CALCR: variants seen among roughly 807,000 people sequenced by gnomAD.
CALCR encodes the protein calcitonin receptor.
Under a neutral mutation model 59.5 loss-of-function variants are expected in CALCR, and 47 were observed. The observed-to-expected ratio is 0.79, with a 90% CI of 0.63 to 1.01. The LOEUF is 1.01. Among genes scored for constraint, CALCR ranks in the 50% least tolerant of loss-of-function variants. The pLI is 0.00. For synonymous variants in CALCR, 213 were observed against 211.3 expected, an observed-to-expected ratio of 1.01 and a Z score of -0.07; for missense variants, 566 against 597.1, an observed-to-expected ratio of 0.95 and a Z score of 0.54.
At chr7:93,434,371 G>A (rs1799726992) in intron 12 of CALCR, 77 bp from the exon 13 acceptor site, 2 of 872,236 alleles carry the variant, frequency 2.3e-6, no homozygotes, top group South Asian at 3.0e-5. Flanking sequence ...ATAATAGACT[G>A]CCCAGAGAAG....
intron 9 of CALCR, among the ~76,000 whole-genome samples, chr7:93,439,091 T>C (rs1799845287): frequency 6.6e-6 from 1 of 152,192 alleles, no homozygotes; most frequent in Non-Finnish European, 1.5e-5. Flanking sequence ...TTTGATTTGA[T>C]TGAGACATCT....
At chr7:93,452,733 G>A (rs1232915005) in intron 8 of CALCR, among the ~76,000 whole-genome samples, 1 of 151,980 alleles carries the variant, frequency 6.6e-6, no homozygotes, top group Non-Finnish European at 1.5e-5. Context: ...TACAGCAGGA[G>A]ATGATCCTGA....
intron 2 of CALCR, among the ~76,000 whole-genome samples, chr7:93,487,570 A>G (rs1054896714): frequency 6.6e-6 from 1 of 151,540 alleles, no homozygotes; most frequent in Non-Finnish European, 1.5e-5. Context: ...CATGTCATTT[A>G]ACAGCTCACC....
chr7:93,525,338 G>A (rs1672897203), intron 2 of CALCR, among the ~76,000 whole-genome samples: 1 of 152,064 alleles, frequency 6.6e-6, no homozygotes, highest in South Asian at 2.1e-4. Flanking sequence ...GTCTGGCTTT[G>A]GTGTAACAGA....
At position 93,426,173 on chromosome 7, in the gene CALCR, A is replaced by G; in HGVS notation, c.*183T>C. On this transcript the variant is annotated 3_prime_UTR_variant, in exon 14 of 14. Transcript: ENST00000426151. ...TTGCAGTGGGAGACTCCATTCCTAG[A>G]CTGTCTCCCAAAGCAACAGTACCAA... The G allele has an allele frequency of 1.8e-6, 1 of 558,482 alleles. No individual in the cohort carries two copies. Among genetic ancestry groups the G allele is most frequent in the African/African-American group, 1.9e-5 (1 of 53,174 alleles). 34.6% of individuals were successfully genotyped at this position (558,482 alleles called of 1,614,324 possible).
At position 93,554,769 on chromosome 7, in the gene CALCR, G is replaced by GTATATATATATATATATATA. The variant is rs55879216; in HGVS notation, c.-27+19500_-27+19519dup. Among the ~76,000 whole-genome samples, 380 of 117,152 alleles carry GTATATATATATATATATATA rather than the reference G, an allele frequency of 3.2e-3. 19 individuals carry two copies. The highest frequency in any genetic ancestry group is 0.01 in the African/African-American group (226 of 22,512). The allele number at this position is 117,152 out of a possible 152,430, so 76.9% of individuals were successfully genotyped here. On this transcript the variant is annotated intron_variant, in intron 2 of 13. Transcript: ENST00000426151. ...ATAGATGTTCAAATTGCCAGGCCAT[G>GTATATATATATATATATATA]TATATATATATATATATATATATTA...
chr7:93,560,821 T>C (rs1789728805), intron 2 of CALCR, among the ~76,000 whole-genome samples: 1 of 152,088 alleles, frequency 6.6e-6, no homozygotes, highest in African/African-American at 2.4e-5. Context: ...CAAAAGAAGC[T>C]TGGGGGATGC....
chr7:93,464,911 T>C (rs903784645), intron 7 of CALCR, among the ~76,000 whole-genome samples: 4 of 151,926 alleles, frequency 2.6e-5, no homozygotes, highest in African/African-American at 9.7e-5. Context: ...GAATAGTAAG[T>C]AGTAGAGCAA....
intron 2 of CALCR, among the ~76,000 whole-genome samples, chr7:93,487,270 A>C (rs1013223512): frequency 6.6e-6 from 1 of 151,394 alleles, no homozygotes; most frequent in Non-Finnish European, 1.5e-5. Flanking sequence ...GACAGAAATA[A>C]AGACATTCCA....
At chr7:93,460,595 A>ATATATG (rs1554397839) in intron 8 of CALCR, among the ~76,000 whole-genome samples, 969 of 77,050 alleles carry the variant, frequency 0.013, 16 homozygotes, top group Middle Eastern at 0.031. Context: ...ATATATATGT[A>ATATATG]TATATATATA....
chr7:93,467,778 T>C (rs1800470238), intron 7 of CALCR, among the ~76,000 whole-genome samples: 1 of 151,610 alleles, frequency 6.6e-6, no homozygotes, highest in African/African-American at 2.4e-5. Flanking sequence ...ATTTCTGTGA[T>C]ACCACCATGA....
intron 8 of CALCR, among the ~76,000 whole-genome samples, chr7:93,445,954 T>A (rs1799999093): frequency 6.6e-6 from 1 of 152,026 alleles, no homozygotes; most frequent in Non-Finnish European, 1.5e-5. Flanking sequence ...TTGTTCGTAG[T>A]ATGAGAACTG....
In CALCR at chr7:93,501,920, A is replaced by AT. The variant is rs138113598; in HGVS notation, c.-26-14914dup. Among the ~76,000 whole-genome samples, 1,082 of 152,130 alleles carry AT rather than the reference A, an allele frequency of 7.1e-3. 18 individuals are homozygous for AT. Among genetic ancestry groups the AT allele is most frequent in the African/African-American group, 0.025 (1,038 of 41,496 alleles). On this transcript the variant is annotated intron_variant, in intron 2 of 13. Transcript: ENST00000426151. ...TGTGCAGGTTCTGGGTCCTGAACTA[A>AT]TTGCTGCCAGGTGGGTGACAGGAAA...
In CALCR at chr7:93,443,671, A is replaced by G. The variant is rs752614232; in HGVS notation, c.735T>C (p.His245=). 19 of 1,613,090 alleles carry G rather than the reference A, an allele frequency of 1.2e-5. No individual in the cohort carries two copies. The highest frequency in any genetic ancestry group is 1.6e-5 in the Non-Finnish European group (19 of 1,179,142). The part of the protein sequence containing the change: ...FWMLCEGIYL[H]TLIVVAVFTE... ...TAAACACAGCCACGACAATGAGTGT[A>G]TGAAGATAGATCCCTTCACAGAGCA... Residue 245 remains histidine, a synonymous_variant, in exon 9 of 14, where the codon CAT becomes CAC. Coordinates refer to ENST00000426151, the MANE Select transcript of CALCR (RefSeq NM_001742.4).
intron 7 of CALCR, among the ~76,000 whole-genome samples, chr7:93,467,519 T>G (rs935641368): frequency 6.6e-6 from 1 of 151,770 alleles, no homozygotes; most frequent in Non-Finnish European, 1.5e-5. Context: ...AGTACTATCC[T>G]GACAATATTT....
At chr7:93,486,843 G>A in intron 3 of CALCR, 88 bp downstream of exon 3, 1 of 846,562 alleles carries the variant, frequency 1.2e-6, no homozygotes. Context: ...GCCTACCCTT[G>A]CAAATACTAA....
chr7:93,550,318 C>T (rs187308700), intron 2 of CALCR, among the ~76,000 whole-genome samples: 52 of 151,452 alleles, frequency 3.4e-4, no homozygotes, highest in African/African-American at 1.2e-3. Flanking sequence ...GGTGAAATCC[C>T]GTCTCTGCTA....
rs2115632447 is a variant in CALCR, at chr7:93,425,135, T to C, written c.*1221A>G. 6.5e-6 allele frequency: 1 copy of C among 152,748 alleles called. No individual in the cohort carries two copies. The highest frequency in any genetic ancestry group is 2.4e-5 in the African/African-American group (1 of 41,572). 9.5% of individuals were successfully genotyped at this position (152,748 alleles called of 1,614,324 possible). A position where few individuals can be genotyped will look rare whatever the true frequency, so the allele number is the denominator to read the frequency against. ...GTTTATTCAGGATTTTCAAAAATCT[T>C]ATACTGGGAAGTAAAGAGAGATATG... On this transcript the variant is annotated 3_prime_UTR_variant, in exon 14 of 14. Coordinates refer to ENST00000426151, the MANE Select transcript of CALCR (RefSeq NM_001742.4).
chr7:93,494,303 A>G (rs1474075636), intron 2 of CALCR, among the ~76,000 whole-genome samples: 1 of 151,342 alleles, frequency 6.6e-6, no homozygotes, highest in Non-Finnish European at 1.5e-5. Flanking sequence ...GGAGCATTGG[A>G]GGCAATGGGA....
Sources: allele counts gnomAD v4.1 joint callset (sites outside exome capture counted in the v4.1 genomes callset), GRCh38; gene constraint gnomAD v4.1.1; transcripts MANE v1.5; gene names NCBI Gene and HGNC (gene_info 2026-07-23, HGNC 2026-07-21).